DDX46: variants seen among roughly 807,000 people sequenced by gnomAD.
DDX46 encodes the protein DEAD-box helicase 46.
DDX46 carries 30 observed loss-of-function variants against 134.9 expected under a neutral mutation model. The ratio of observed to expected loss-of-function variants is 0.22; its 90% confidence interval spans 0.17 to 0.30. The LOEUF (loss-of-function observed/expected upper bound fraction) is 0.30, where lower values mean the gene tolerates loss of function less well. DDX46 is among the 10% of genes least tolerant of loss of function. DDX46 has a pLI of 1.00. For missense variants in DDX46, 622 were observed against 1,248.7 expected (o/e 0.50, Z 7.56); for synonymous variants, 415 against 404.1 (o/e 1.03, Z -0.32).
chr5:134,790,117 A>G (rs1407713912), intron 12 of DDX46: 1 of 474,566 alleles, frequency 2.1e-6, no homozygotes, highest in Admixed American at 2.3e-5. Context: ...TGATGCTGTC[A>G]GATAATGGCT....
At chr5:134,811,952 AAG>A (rs1322083376) in intron 18 of DDX46, 107 bp downstream of exon 18, 6 of 1,396,432 alleles carry the variant, frequency 4.3e-6, no homozygotes, top group Non-Finnish European at 5.7e-6. Context: ...AAACCTTTAC[AAG>A]AGGTTGGTTC....
chr5:134,771,431 G>C (rs2906916), intron 4 of DDX46, among the ~76,000 whole-genome samples: 1 of 138,420 alleles, frequency 7.2e-6, no homozygotes, highest in Non-Finnish European at 1.6e-5. Context: ...GGTGGCTCAC[G>C]CCTGTAATCC....
chr5:134,771,015 T>A lies in DDX46; in HGVS notation c.447+16T>A. On this transcript the variant is annotated intron_variant, in intron 4 of 22. Transcript: ENST00000452510. ...AGATGCTGGCGTATGTTTATTAACT[T>A]AAAAATAATTTTCTTTCTTTCTTTT... 1 of 1,006,818 alleles carries A rather than the reference T, an allele frequency of 9.9e-7. No individual in the cohort carries two copies. Among genetic ancestry groups the A allele is most frequent in the African/African-American group, 1.7e-5 (1 of 60,272 alleles). 62.4% of individuals were successfully genotyped at this position (1,006,818 alleles called of 1,614,324 possible).
intron 3 of DDX46, among the ~76,000 whole-genome samples, chr5:134,770,409 G>C (rs2150133018): frequency 6.6e-6 from 1 of 151,818 alleles, no homozygotes; most frequent in South Asian, 2.1e-4. Context: ...ATTGGATCTT[G>C]TTATGTTCCC....
At chr5:134,807,659 A>G in intron 15 of DDX46, 89 bp from the exon 16 acceptor site, 1 of 1,224,608 alleles carries the variant, frequency 8.2e-7, no homozygotes, top group Non-Finnish European at 1.1e-6. Context: ...GGATGTGTCA[A>G]TTTGTTCTTC....
At chr5:134,759,733 C>T (rs1393531474) in intron 1 of DDX46, among the ~76,000 whole-genome samples, 1 of 152,124 alleles carries the variant, frequency 6.6e-6, no homozygotes, top group African/African-American at 2.4e-5. Flanking sequence ...TGTTGAGGTA[C>T]AATTAACAAT....
intron 15 of DDX46, among the ~76,000 whole-genome samples, chr5:134,805,427 A>G (rs1367588165): frequency 6.6e-6 from 1 of 151,992 alleles, no homozygotes; most frequent in Non-Finnish European, 1.5e-5. Flanking sequence ...CGGCCTCCCA[A>G]AGTGCTGGAA....
chr5:134,813,362 C>G (rs1019067814), intron 18 of DDX46, among the ~76,000 whole-genome samples: 1 of 152,192 alleles, frequency 6.6e-6, no homozygotes, highest in African/African-American at 2.4e-5. Context: ...GCAGTTTAGT[C>G]AGGTAGTTCT....
At chr5:134,780,372 C>T (rs1027328701) in intron 6 of DDX46, among the ~76,000 whole-genome samples, 1 of 150,570 alleles carries the variant, frequency 6.6e-6, no homozygotes. Flanking sequence ...TCGAGACCAG[C>T]CTGCCAACAT....
chr5:134,771,329 G>C (rs1471213765), intron 4 of DDX46, among the ~76,000 whole-genome samples: 3 of 149,148 alleles, frequency 2.0e-5, no homozygotes, highest in African/African-American at 2.4e-5. Flanking sequence ...TCCTGACCTT[G>C]TGATCCCCCT....
At chr5:134,772,872 G>A (rs1050472745) in intron 4 of DDX46, among the ~76,000 whole-genome samples, 1 of 152,088 alleles carries the variant, frequency 6.6e-6, no homozygotes, top group South Asian at 2.1e-4. Context: ...CGTGATCTCA[G>A]CTCGCTGCAA....
At chr5:134,764,129 A>C (rs1427819096) in intron 2 of DDX46, 37 bp downstream of exon 2, 1 of 1,572,672 alleles carries the variant, frequency 6.4e-7, no homozygotes. Flanking sequence ...ACGAGTGATA[A>C]ATTGGGCCTT....
chr5:134,814,475 T>C (rs143049374), intron 18 of DDX46, among the ~76,000 whole-genome samples: 3 of 152,352 alleles, frequency 2.0e-5, no homozygotes. Context: ...CATTGTATAC[T>C]TCCCCCTTTC....
chr5:134,808,991 T>C, intron 16 of DDX46, among the ~76,000 whole-genome samples: 1 of 152,202 alleles, frequency 6.6e-6, no homozygotes, highest in Admixed American at 6.5e-5. Context: ...ATTTAAGTGT[T>C]TTACATATGT....
At chr5:134,797,196 A>AAAAAAAAAAAAAC (rs1561865733) in intron 15 of DDX46, 1 of 281,690 alleles carries the variant, frequency 3.5e-6, no homozygotes, top group Non-Finnish European at 6.8e-6. Context: ...AAAAAAAAAA[A>AAAAAAAAAAAAAC]ACACAAAACA....
At chr5:134,828,545 A>AT in intron 22 of DDX46, 114 bp from the exon 23 acceptor site, 1 of 602,248 alleles carries the variant, frequency 1.7e-6, no homozygotes, top group Non-Finnish European at 2.5e-6. Flanking sequence ...GGCAAAGGAA[A>AT]TGATCTTAAA....
chr5:134,807,991 G>A (rs1161228382), intron 16 of DDX46, 50 bp downstream of exon 16: 1 of 1,481,864 alleles, frequency 6.7e-7, no homozygotes. Flanking sequence ...AAATACAGGT[G>A]TTTCTTTAGT....
chr5:134,785,822 G>A (rs1580792020), intron 11 of DDX46, among the ~76,000 whole-genome samples: 1 of 151,768 alleles, frequency 6.6e-6, no homozygotes, highest in Admixed American at 6.6e-5. Context: ...CTGAAAATTC[G>A]CTAAGCCAGT....
At chr5:134,806,219 A>G (rs948591797) in intron 15 of DDX46, among the ~76,000 whole-genome samples, 1 of 152,132 alleles carries the variant, frequency 6.6e-6, no homozygotes. Context: ...CTTTAAAAAA[A>G]AAAAAAAGAG....
Sources: gnomAD v4.1 joint callset for allele counts (sites outside exome capture counted in the v4.1 genomes callset) on GRCh38, gnomAD v4.1.1 for gene constraint, MANE v1.5 for transcripts, NCBI Gene and HGNC (gene_info 2026-07-23, HGNC 2026-07-21) for gene names.